LTBP1: variants seen among roughly 807,000 people sequenced by gnomAD.
LTBP1 encodes the protein latent transforming growth factor beta binding protein 1, also known as latent-transforming growth factor beta-binding protein 1.
A neutral mutation model predicts 207.6 loss-of-function variants in LTBP1; 129 were observed. That is an observed-to-expected ratio of 0.62 (90% CI 0.54 to 0.72). The LOEUF is 0.72. Ranked by LOEUF, LTBP1 falls within the 30% of genes least tolerant of loss-of-function variation. LTBP1 has a pLI of 0.00. For synonymous variants in LTBP1, 963 were observed against 833.7 expected (o/e 1.16, Z -2.67); for missense variants, 2,281 against 2,217.2 (o/e 1.03, Z -0.58).
At chr2:33,102,784 A>G (rs762223486) in intron 3 of LTBP1, among the ~76,000 whole-genome samples, 1 of 152,152 alleles carries the variant, frequency 6.6e-6, no homozygotes, top group African/African-American at 2.4e-5. Flanking sequence ...TGCTGAATGC[A>G]CAGTCTATAT....
Position 32,999,531 on chromosome 2 carries a change from A to G in LTBP1, c.566-21378A>G, listed in dbSNP as rs943663098. ...TCTCCTTCCTCCTCTCTGCTCTTCC[A>G]CCATCCCAGAATGTGACCCCACACC... On this transcript the variant is annotated intron_variant, in intron 2 of 33. Coordinates refer to ENST00000404816, the MANE Select transcript of LTBP1 (RefSeq NM_206943.4). 3.8e-5 allele frequency among the ~76,000 whole-genome samples: 5 copies of G among 133,234 alleles called. 2 individuals carry two copies. The highest frequency in any genetic ancestry group is 2.3e-4 in the Admixed American group (3 of 12,850). 87.4% of individuals were successfully genotyped at this position (133,234 alleles called of 152,430 possible).
At chr2:33,110,442 A>C (rs1440981726) in intron 3 of LTBP1, 140 bp from the exon 4 acceptor site, 2 of 690,420 alleles carry the variant, frequency 2.9e-6, no homozygotes, top group Non-Finnish European at 4.8e-6. Flanking sequence ...GGTCAGCGAC[A>C]GTATTTGAAG....
chr2:33,076,430 C>G (rs2078082935), intron 3 of LTBP1, among the ~76,000 whole-genome samples: 1 of 152,066 alleles, frequency 6.6e-6, no homozygotes, highest in South Asian at 2.1e-4. Context: ...CCTGGGAAGA[C>G]AAGCTAGTAG....
rs530744761 is a variant in LTBP1 at position 33,332,288 on chromosome 2, C to G, written c.3731-10550C>G. On this transcript the variant is annotated intron_variant, in intron 24 of 33. Coordinates refer to ENST00000404816, the MANE Select transcript of LTBP1 (RefSeq NM_206943.4). Reference sequence around the variant, plus strand: ...TGGTGGGTACCTGTAGTTACAGCTACTTGGGAGGCTGAGGTGGGAGGATCA... The same window carrying G: ...TGGTGGGTACCTGTAGTTACAGCTAGTTGGGAGGCTGAGGTGGGAGGATCA... Among the ~76,000 whole-genome samples the G allele has an allele frequency of 2.1e-5, 3 of 140,782 alleles. No individual in the cohort carries two copies. The East Asian group carries it at 6.7e-4, about 32-fold the overall frequency. 92.4% of individuals were successfully genotyped at this position (140,782 alleles called of 152,430 possible).
chr2:33,234,091 C>T (rs974422873), intron 9 of LTBP1, among the ~76,000 whole-genome samples: 7 of 152,220 alleles, frequency 4.6e-5, no homozygotes, highest in East Asian at 3.9e-4. Flanking sequence ...TGGCTTCTTT[C>T]ACTCAACAGT....
In LTBP1 at chr2:33,110,643, C is replaced by A; in HGVS notation, c.925C>A (p.Leu309Ile). 1 of 1,614,188 alleles carries A rather than the reference C, an allele frequency of 6.2e-7. No homozygotes were observed. The highest frequency in any genetic ancestry group is 8.5e-7 in the Non-Finnish European group (1 of 1,180,026). Reference protein sequence around the residue: ...IHHGQTQEYVLKPKYFPAQKG... With the variant: ...IHHGQTQEYVIKPKYFPAQKG... The stretch of plus-strand genomic sequence containing the variant: ...CCATGGCCAGACCCAGGAATACGTG[C>A]TCAAGCCCAAGTACTTTCCAGCCCA... The change falls in exon 4 of 34, where the codon CTC becomes ATC. Residue 309 changes from leucine to isoleucine, a missense_variant. This residue lies in a region of LTBP1 where 555 missense variants were observed against 491.0 expected (regional missense o/e 1.13). Coordinates refer to ENST00000404816, the MANE Select transcript of LTBP1 (RefSeq NM_206943.4).
rs574713035 is a variant in LTBP1, at chr2:33,071,701, ATAG to A, written c.864-38876_864-38874del. Reference sequence around the variant, plus strand: ...AAAGATTTATTTCTTCCTCATGCAGATAGTAGTTACAGGCTGTTTTGGGCTTTG... The same window carrying A: ...AAAGATTTATTTCTTCCTCATGCAGATAGTTACAGGCTGTTTTGGGCTTTG... On this transcript the variant is annotated intron_variant, in intron 3 of 33. Coordinates refer to ENST00000404816, the MANE Select transcript of LTBP1 (RefSeq NM_206943.4). Among the ~76,000 whole-genome samples the A allele has an allele frequency of 1.9e-4, 29 of 152,346 alleles. No homozygotes were observed. In the South Asian group the frequency reaches 5.8e-3, roughly 31 times the overall value.
chr2:33,370,909 C>T (rs2150199000), intron 31 of LTBP1, among the ~76,000 whole-genome samples: 1 of 152,298 alleles, frequency 6.6e-6, no homozygotes, highest in African/African-American at 2.4e-5. Context: ...GCTTTGGCTC[C>T]AGAGCGAGCT....
chr2:33,231,775 C>G (rs972074670), intron 9 of LTBP1, among the ~76,000 whole-genome samples: 12 of 152,152 alleles, frequency 7.9e-5, no homozygotes, highest in Non-Finnish European at 1.0e-4. Context: ...AATCTTAAGG[C>G]AAAGCTCTTA....
intron 7 of LTBP1, among the ~76,000 whole-genome samples, chr2:33,206,036 C>T (rs1324539531): frequency 2.6e-5 from 4 of 152,184 alleles, no homozygotes; most frequent in African/African-American, 9.7e-5. Context: ...ATTGTTTAAA[C>T]CACCCAGTCT....
At chr2:33,090,284 C>T (rs948005087) in intron 3 of LTBP1, among the ~76,000 whole-genome samples, 1 of 152,172 alleles carries the variant, frequency 6.6e-6, no homozygotes, top group African/African-American at 2.4e-5. Context: ...AAAGTTGGCC[C>T]TTTTTCCTGG....
intron 18 of LTBP1, among the ~76,000 whole-genome samples, chr2:33,279,517 T>C (rs114995907): frequency 0.42 from 63,454 of 151,800 alleles, 13,927 homozygotes; most frequent in Non-Finnish European, 0.45. Flanking sequence ...TCATGTTTTT[T>C]TTTTTTTCCA....
intron 7 of LTBP1, among the ~76,000 whole-genome samples, chr2:33,206,011 T>TAA (rs759340983): frequency 3.4e-5 from 5 of 147,422 alleles, no homozygotes; most frequent in African/African-American, 1.2e-4. Context: ...TGTGAGGAAA[T>TAA]AAAAAAAAAA....
intron 2 of LTBP1, among the ~76,000 whole-genome samples, chr2:32,960,383 C>T (rs1442071418): frequency 2.1e-5 from 3 of 145,744 alleles, no homozygotes; most frequent in Non-Finnish European, 4.5e-5. Flanking sequence ...ACCTGGTAAG[C>T]ATGTACACCT....
chr2:33,162,609 C>T (rs898256431), intron 5 of LTBP1, among the ~76,000 whole-genome samples: 2 of 152,122 alleles, frequency 1.3e-5, no homozygotes, highest in Non-Finnish European at 2.9e-5. Context: ...AGCTCATGAG[C>T]AGATGGAAGA....
chr2:33,088,745 C>T (rs952125938), intron 3 of LTBP1, among the ~76,000 whole-genome samples: 10 of 152,068 alleles, frequency 6.6e-5, no homozygotes, highest in African/African-American at 2.2e-4. Flanking sequence ...TTATTAGTGA[C>T]AAATGAGTGA....
rs765695892 is a variant in LTBP1 at position 33,360,582 on chromosome 2, C to G, written c.4001-15C>G. ...ATGTGTCCTATTGTCACTCTACTTT[C>G]TCTACTCCATTTAGATTTAGATGTA... On this transcript the variant is annotated splice_polypyrimidine_tract_variant and intron_variant, in intron 26 of 33. Coordinates refer to ENST00000404816, the MANE Select transcript of LTBP1 (RefSeq NM_206943.4). 20 of 1,586,108 alleles carry G rather than the reference C, an allele frequency of 1.3e-5. 1 individual carries two copies. Among genetic ancestry groups the G allele is most frequent in the Middle Eastern group, 1.7e-4 (1 of 5,986 alleles).
chr2:33,310,741 TA>T (rs1163030238), intron 23 of LTBP1, among the ~76,000 whole-genome samples: 1 of 152,148 alleles, frequency 6.6e-6, no homozygotes, highest in African/African-American at 2.4e-5. Flanking sequence ...ACACCATAGC[TA>T]AAAAAATTAA....
chr2:33,309,534 A>G lies in LTBP1; in HGVS notation c.3582A>G (p.Leu1194=), dbSNP rs772035301. ...YDCTCPDGFQ[L]DDNKTCQDIN... ...GTACTTGTCCGGATGGATTTCAGCT[A>G]GATGACAATAAAACATGTCAAGGTA... Residue 1194 remains leucine, a synonymous_variant, in exon 23 of 34, where the codon CTA becomes CTG. Transcript: ENST00000404816. 11 of 1,608,018 alleles carry G rather than the reference A, an allele frequency of 6.8e-6. No homozygotes were observed. The highest frequency in any genetic ancestry group is 9.3e-6 in the Non-Finnish European group (11 of 1,178,178).
Sources: gnomAD v4.1 joint callset for allele counts (sites outside exome capture counted in the v4.1 genomes callset) on GRCh38, gnomAD v4.1.1 for gene constraint, gnomAD v4.1.1 regional missense constraint, MANE v1.5 for transcripts, NCBI Gene and HGNC (gene_info 2026-07-23, HGNC 2026-07-21) for gene names.